The following TPX2 variants were observed in gnomAD, a reference collection of about 807,000 sequenced individuals.
TPX2 encodes targeting protein for Xklp2.
Under a neutral mutation model 93.6 loss-of-function variants are expected in TPX2, and 21 were observed. The observed-to-expected ratio is 0.22, with a 90% CI of 0.16 to 0.32. TPX2 has a LOEUF of 0.32. Among genes scored for constraint, TPX2 ranks in the 10% least tolerant of loss-of-function variants. The pLI is 1.00. For synonymous variants in TPX2, 281 were observed against 298.3 expected (o/e 0.94, Z 0.60); for missense variants, 776 against 871.1 (o/e 0.89, Z 1.37).
rs1034615706 is a variant in TPX2 at position 31,798,241 on chromosome 20, G to T, written c.1946-124G>T. 2.5e-6 allele frequency: 3 copies of T among 1,215,370 alleles called. No individual in the cohort carries two copies. The South Asian group carries it at 4.1e-5, about 16-fold the overall frequency. 75.3% of individuals were successfully genotyped at this position (1,215,370 alleles called of 1,614,324 possible). The stretch of plus-strand genomic sequence containing the variant: ...TAGTTGGCTCTACCTTTCTCCCAAT[G>T]GGGCTTGTTTAGAGCACAGTCTTCC... On this transcript the variant is annotated intron_variant, in intron 16 of 17. Transcript: ENST00000300403.
intron 12 of TPX2, among the ~76,000 whole-genome samples, chr20:31,785,242 A>C (rs931852449): frequency 2.0e-5 from 3 of 150,228 alleles, no homozygotes; most frequent in Admixed American, 6.6e-5. Context: ...GCTCTGTTAC[A>C]ATAAACTGTT....
intron 10 of TPX2, among the ~76,000 whole-genome samples, 167 bp from the exon 11 acceptor site, chr20:31,782,082 A>G (rs891668408): frequency 2.0e-5 from 3 of 152,164 alleles, no homozygotes; most frequent in Admixed American, 2.0e-4. Context: ...AATAGGGGAG[A>G]AGTAACTGAA....
intron 3 of TPX2, among the ~76,000 whole-genome samples, chr20:31,759,601 T>C (rs1263740014): frequency 6.6e-6 from 1 of 152,000 alleles, no homozygotes; most frequent in Non-Finnish European, 1.5e-5. Context: ...GGTTTCACCA[T>C]GTTGGCCAAG....
chr20:31,770,339 A>G lies in TPX2; in HGVS notation c.357-4A>G, dbSNP rs779647232. On this transcript the variant is annotated splice_polypyrimidine_tract_variant and splice_region_variant and intron_variant, in intron 5 of 17. Transcript: ENST00000300403. ...TATATATTTTGTCAATTTCTCTACCATAGAAGATCTCTTAGGCTTTCTGCT... is the reference window on the plus strand; with the variant it reads ...TATATATTTTGTCAATTTCTCTACCGTAGAAGATCTCTTAGGCTTTCTGCT... 25 of 1,557,634 alleles carry G rather than the reference A, an allele frequency of 1.6e-5. No homozygotes were observed. The highest frequency in any genetic ancestry group is 2.3e-5 in the East Asian group (1 of 43,466).
chr20:31,770,462 A>G lies in TPX2; in HGVS notation c.476A>G (p.Lys159Arg). 6.3e-7 allele frequency: 1 copy of G among 1,578,848 alleles called. No homozygotes were observed. Among genetic ancestry groups the G allele is most frequent in the South Asian group, 1.2e-5 (1 of 84,444 alleles). ...VIIDEILPSK[K>R]MKVSNNKKKP... The stretch of plus-strand genomic sequence containing the variant: ...ATCGATGAAATTCTACCCTCTAAGA[A>G]AATGAAAGTGTGAGTAGCCACAACT... The change falls in exon 6 of 18, where the codon AAA becomes AGA. Residue 159 changes from lysine to arginine, a missense_variant. Around this residue, in one of 3 missense-constraint regions of TPX2, gnomAD observed 279 missense variants for 261.6 expected, o/e 1.07. Coordinates refer to ENST00000300403, the MANE Select transcript of TPX2 (RefSeq NM_012112.5).
At chr20:31,744,782 G>T (rs1212385748) in intron 2 of TPX2, among the ~76,000 whole-genome samples, 2 of 152,078 alleles carry the variant, frequency 1.3e-5, no homozygotes, top group Non-Finnish European at 2.9e-5. Context: ...GAAATTGCTG[G>T]TCTAAAAGAA....
intron 12 of TPX2, among the ~76,000 whole-genome samples, chr20:31,785,002 C>G (rs963622299): frequency 1.3e-5 from 2 of 152,186 alleles, no homozygotes; most frequent in Admixed American, 1.3e-4. Flanking sequence ...TTAGGGGAAA[C>G]TGCACCAATG....
rs549150439 is a variant in TPX2 at position 31,785,209 on chromosome 20, G to A, written c.1413+1288G>A. 2.0e-5 allele frequency among the ~76,000 whole-genome samples: 3 copies of A among 152,064 alleles called. No homozygotes were observed. The South Asian group carries it at 6.2e-4, about 32-fold the overall frequency. ...CACGATGCTTTTTTTTCCCTGCCAT[G>A]ATGCATATGTACTATATGCCAAGCT... On this transcript the variant is annotated intron_variant, in intron 12 of 17. Coordinates refer to ENST00000300403, the MANE Select transcript of TPX2 (RefSeq NM_012112.5).
chr20:31,762,403 G>C (rs1275809764), intron 4 of TPX2, among the ~76,000 whole-genome samples: 1 of 152,104 alleles, frequency 6.6e-6, no homozygotes, highest in African/African-American at 2.4e-5. Context: ...AGGCTGGAGT[G>C]CAGTAGTACG....
chr20:31,785,542 G>C (rs1450464650), intron 12 of TPX2, among the ~76,000 whole-genome samples: 1 of 150,846 alleles, frequency 6.6e-6, no homozygotes, highest in East Asian at 2.0e-4. Context: ...TTGTTGCCCA[G>C]GCTGGAGTGC....
At chr20:31,776,337 C>T (rs1394879324) in intron 8 of TPX2, among the ~76,000 whole-genome samples, 6 of 151,918 alleles carry the variant, frequency 3.9e-5, no homozygotes, top group African/African-American at 1.4e-4. Flanking sequence ...GCCTCGGCCT[C>T]CCAAAGTGCT....
chr20:31,790,493 A>G (rs764708227), intron 12 of TPX2, among the ~76,000 whole-genome samples: 10 of 152,234 alleles, frequency 6.6e-5, no homozygotes, highest in East Asian at 1.9e-4. Flanking sequence ...GAGTAGTCCA[A>G]GATAATAGAG....
chr20:31,798,272 G>T lies in TPX2; in HGVS notation c.1946-93G>T. 2.1e-6 allele frequency: 3 copies of T among 1,448,200 alleles called. 1 individual carries two copies. In the South Asian group the frequency reaches 3.5e-5, roughly 17 times the overall value. The allele number at this position is 1,448,200 out of a possible 1,614,324, so 89.7% of individuals were successfully genotyped here. On this transcript the variant is annotated intron_variant, in intron 16 of 17. Coordinates refer to ENST00000300403, the MANE Select transcript of TPX2 (RefSeq NM_012112.5). ...TGTTTAGAGCACAGTCTTCCTGTTA[G>T]TGTGCATGTCTGTGCCACTTGCTCA...
chr20:31,790,179 A>G (rs1016079507), intron 12 of TPX2, among the ~76,000 whole-genome samples: 1 of 152,124 alleles, frequency 6.6e-6, no homozygotes, highest in Non-Finnish European at 1.5e-5. Context: ...CATTTCTTGG[A>G]GTTTTGTCAC....
intron 12 of TPX2, among the ~76,000 whole-genome samples, chr20:31,787,200 A>G (rs1201129964): frequency 1.3e-5 from 2 of 149,556 alleles, no homozygotes; most frequent in African/African-American, 5.0e-5. Context: ...ACAAGGGAAT[A>G]AACACTGAGA....
Position 31,798,484 on chromosome 20 carries a change from T to G in TPX2, c.2065T>G (p.Leu689Val), listed in dbSNP as rs867651744. 1 of 1,613,282 alleles carries G rather than the reference T, an allele frequency of 6.2e-7. No homozygotes were observed. Among genetic ancestry groups the G allele is most frequent in the African/African-American group, 1.3e-5 (1 of 74,802 alleles). The change falls in exon 17 of 18, where the codon TTG becomes GTG. Residue 689 changes from leucine (L) to valine (V), a missense_variant. Around this residue, in one of 3 missense-constraint regions of TPX2, gnomAD observed 461 missense variants for 551.2 expected, o/e 0.84. Coordinates refer to ENST00000300403, the MANE Select transcript of TPX2 (RefSeq NM_012112.5). The stretch of plus-strand genomic sequence containing the variant: ...GGTAGAAGCCCAGAAAGCCCAGCAG[T>G]TGGAGGAGGCCAGACTACAGGAGGA... ...AEVEAQKAQQ[L>V]EEARLQEEEQ...
intron 17 of TPX2, among the ~76,000 whole-genome samples, chr20:31,800,116 G>A (rs1339355078): frequency 2.0e-5 from 3 of 152,112 alleles, no homozygotes; most frequent in Non-Finnish European, 4.4e-5. Flanking sequence ...TAGACTAGCA[G>A]TTGAAACAGC....
intron 4 of TPX2, among the ~76,000 whole-genome samples, chr20:31,764,239 G>A (rs926821323): frequency 1.3e-4 from 20 of 151,924 alleles, no homozygotes; most frequent in Admixed American, 1.2e-3. Context: ...GAGCAATCAC[G>A]CCTCACTGCA....
chr20:31,747,475 T>TATCG (rs2061791263), intron 2 of TPX2, among the ~76,000 whole-genome samples: 1 of 152,178 alleles, frequency 6.6e-6, no homozygotes. Flanking sequence ...TCTATCTATC[T>TATCG]ATCTATCGTT....
Sources: allele counts gnomAD v4.1 joint callset (sites outside exome capture counted in the v4.1 genomes callset), GRCh38; gene constraint gnomAD v4.1.1; regional missense constraint gnomAD v4.1.1; transcripts MANE v1.5; gene names NCBI Gene and HGNC (gene_info 2026-07-23, HGNC 2026-07-21).